Variants in ZNF292 observed in about 807,000 individuals in gnomAD.
ZNF292 encodes the protein zinc finger protein 292, also known as 16 zinc-finger domain protein.
In ZNF292, 26 loss-of-function variants were observed where a neutral mutation model predicts 217.9. The ratio of observed to expected loss-of-function variants is 0.12; its 90% CI spans 0.09 to 0.17. The LOEUF (loss-of-function observed/expected upper bound fraction) is 0.17, where lower values mean the gene tolerates loss of function less well. Ranked by LOEUF, ZNF292 falls within the 10% of genes least tolerant of loss-of-function variation. ZNF292 has a pLI of 1.00. For missense variants in ZNF292, 2,904 were observed against 3,175.2 expected (o/e 0.91, Z 2.05); for synonymous variants, 1,257 against 1,124.1 (o/e 1.12, Z -2.37).
intron 1 of ZNF292, among the ~76,000 whole-genome samples, chr6:87,164,176 T>C (rs867010659): frequency 6.6e-6 from 1 of 152,140 alleles, no homozygotes; most frequent in Admixed American, 6.5e-5. Context: ...TCAGCTCTCA[T>C]GTTTTCTGGG....
chr6:87,196,498 A>G (rs1771956377), intron 1 of ZNF292, among the ~76,000 whole-genome samples: 1 of 152,240 alleles, frequency 6.6e-6, no homozygotes, highest in Non-Finnish European at 1.5e-5. Flanking sequence ...TGAATAACAA[A>G]TAGGTGCCCA....
intron 1 of ZNF292, among the ~76,000 whole-genome samples, chr6:87,175,328 C>T (rs184073557): frequency 6.6e-6 from 1 of 152,212 alleles, no homozygotes; most frequent in Admixed American, 6.5e-5. Context: ...TTCAACTCTT[C>T]AACCATACAA....
At chr6:87,250,048 A>C (rs1303633781) in intron 7 of ZNF292, among the ~76,000 whole-genome samples, 2 of 149,618 alleles carry the variant, frequency 1.3e-5, no homozygotes, top group Non-Finnish European at 3.0e-5. Context: ...AAAAAAAAAA[A>C]CTCCAGGAAT....
chr6:87,205,779 A>G (rs543864633), intron 1 of ZNF292, among the ~76,000 whole-genome samples: 2 of 151,894 alleles, frequency 1.3e-5, no homozygotes, highest in South Asian at 4.2e-4. Context: ...CCTCACCACA[A>G]TCTGTGTCTT....
intron 1 of ZNF292, among the ~76,000 whole-genome samples, chr6:87,171,524 C>T (rs1014571899): frequency 6.6e-6 from 1 of 151,948 alleles, no homozygotes; most frequent in African/African-American, 2.4e-5. Flanking sequence ...GCTAGAATTA[C>T]AGAGTAATTG....
Position 87,258,205 on chromosome 6 carries a change from A to G in ZNF292, c.4576A>G (p.Thr1526Ala), listed in dbSNP as rs1412088913. ...CVSDASQVNA[T>A]VMPNPTVPPL... is the part of the protein sequence containing the mutation. ...CTCTGATGCATCACAAGTAAATGCA[A>G]CGGTGATGCCAAATCCAACTGTACC... The change falls in exon 8 of 8, where the codon ACG (threonine) becomes GCG (alanine). Residue 1526 changes from threonine (T) to alanine (A), a missense_variant. Transcript: ENST00000369577. 6.2e-7 allele frequency: 1 copy of G among 1,611,868 alleles called. No homozygotes were observed. The highest frequency in any genetic ancestry group is 2.2e-5 in the East Asian group (1 of 44,842).
In ZNF292 at chr6:87,255,866, G is replaced by A. The variant is rs1775183258; in HGVS notation, c.2237G>A (p.Gly746Asp). The change falls in exon 8 of 8, where the codon GGC (glycine) becomes GAC (aspartate). Residue 746 changes from glycine (G) to aspartate (D), a missense_variant. By Grantham distance (94) the Gly-to-Asp change is moderately conservative. Around this residue, in one of 15 missense-constraint regions of ZNF292, gnomAD observed 216 missense variants for 308.3 expected, o/e 0.70. Coordinates refer to ENST00000369577, the MANE Select transcript of ZNF292 (RefSeq NM_015021.3). ...AATGATCACTTACAGATGCACTGTG[G>A]CAGTAAACCATATATCTGTATACAG... ...HLNDHLQMHC[G>D]SKPYICIQMK... is the part of the protein sequence containing the mutation. 6.2e-7 allele frequency: 1 copy of A among 1,613,770 alleles called. No individual in the cohort carries two copies. The highest frequency in any genetic ancestry group is 8.5e-7 in the Non-Finnish European group (1 of 1,179,814).
chr6:87,189,551 T>C (rs983009920), intron 1 of ZNF292, among the ~76,000 whole-genome samples: 29 of 152,166 alleles, frequency 1.9e-4, no homozygotes, highest in African/African-American at 6.3e-4. Flanking sequence ...AACTTTTCTT[T>C]TAGGAGTAAT....
chr6:87,184,059 CAG>C (rs1457182920), intron 1 of ZNF292, among the ~76,000 whole-genome samples: 2 of 152,210 alleles, frequency 1.3e-5, no homozygotes, highest in Non-Finnish European at 2.9e-5. Context: ...CACACAAAGT[CAG>C]TGTTGTGATA....
chr6:87,257,331 A>G lies in ZNF292; in HGVS notation c.3702A>G (p.Leu1234=), dbSNP rs761514871. 2 of 1,613,738 alleles carry G rather than the reference A, an allele frequency of 1.2e-6. No individual in the cohort carries two copies. The highest frequency in any genetic ancestry group is 1.7e-6 in the Non-Finnish European group (2 of 1,179,780). Residue 1234 remains leucine, a synonymous_variant, in exon 8 of 8, where the codon TTA becomes TTG. Coordinates refer to ENST00000369577, the MANE Select transcript of ZNF292 (RefSeq NM_015021.3). ...GGMLCSQMEN[L]PSTALPAQME... ...TGTTATGTTCCCAAATGGAAAATTT[A>G]CCTAGTACTGCCTTGCCAGCACAAA...
chr6:87,162,890 CCAAT>C (rs1411395207), intron 1 of ZNF292, among the ~76,000 whole-genome samples: 1 of 152,114 alleles, frequency 6.6e-6, no homozygotes, highest in Non-Finnish European at 1.5e-5. Flanking sequence ...ATAAAATTAA[CCAAT>C]CAGTGTGAGT....
intron 1 of ZNF292, among the ~76,000 whole-genome samples, chr6:87,214,354 T>C (rs1029689452): frequency 6.6e-6 from 1 of 152,090 alleles, no homozygotes; most frequent in African/African-American, 2.4e-5. Context: ...TTGGGTTTCA[T>C]GTGGATTGAG....
At chr6:87,220,962 A>G (rs998289052) in intron 4 of ZNF292, among the ~76,000 whole-genome samples, 2 of 152,226 alleles carry the variant, frequency 1.3e-5, no homozygotes, top group African/African-American at 4.8e-5. Context: ...GAAGAGAATA[A>G]TAAGAGCCCA....
At chr6:87,246,938 T>C (rs1264548755) in intron 7 of ZNF292, among the ~76,000 whole-genome samples, 1 of 152,148 alleles carries the variant, frequency 6.6e-6, no homozygotes, top group African/African-American at 2.4e-5. Context: ...GTGGATCACA[T>C]AAGCCCAGAA....
chr6:87,216,236 G>A (rs1772766427), intron 2 of ZNF292, 63 bp from the exon 3 acceptor site: 1 of 1,444,742 alleles, frequency 6.9e-7, no homozygotes, highest in South Asian at 1.2e-5. Context: ...AGAATTACTG[G>A]TTTTATAATT....
chr6:87,259,238 C>T lies in ZNF292; in HGVS notation c.5609C>T (p.Thr1870Ile), dbSNP rs1440129528. The change falls in exon 8 of 8, where the codon ACT becomes ATT. Residue 1870 changes from threonine (T) to isoleucine (I), a missense_variant. Thr to Ile is a moderately conservative substitution (Grantham distance 89). Around this residue, in one of 15 missense-constraint regions of ZNF292, gnomAD observed 622 missense variants for 573.1 expected, o/e 1.09. Coordinates refer to ENST00000369577, the MANE Select transcript of ZNF292 (RefSeq NM_015021.3). The stretch of plus-strand genomic sequence containing the variant: ...CTGATAAATACATCAGTGACACTGA[C>T]TCCCACGCCTGTTAAATCAACTGCA... ...CVLINTSVTL[T>I]PTPVKSTADI... 3 of 1,613,564 alleles carry T rather than the reference C, an allele frequency of 1.9e-6. No individual in the cohort carries two copies. The highest frequency in any genetic ancestry group is 2.5e-6 in the Non-Finnish European group (3 of 1,179,704).
chr6:87,168,346 G>A (rs1399735414), intron 1 of ZNF292, among the ~76,000 whole-genome samples: 3 of 152,182 alleles, frequency 2.0e-5, no homozygotes, highest in African/African-American at 4.8e-5. Flanking sequence ...GAGGCATATG[G>A]TTAAATGGCT....
intron 1 of ZNF292, among the ~76,000 whole-genome samples, chr6:87,204,554 A>T (rs1375673518): frequency 2.3e-3 from 149 of 63,566 alleles, no homozygotes; most frequent in East Asian, 3.9e-3. Flanking sequence ...AACATTTAGG[A>T]TTTTTTTTTT....
At chr6:87,185,334 G>C (rs981500185) in intron 1 of ZNF292, among the ~76,000 whole-genome samples, 2 of 152,124 alleles carry the variant, frequency 1.3e-5, no homozygotes, top group Admixed American at 1.3e-4. Context: ...AGACTTCCGG[G>C]ATTTTGATAT....
Sources: allele counts gnomAD v4.1 joint callset (sites outside exome capture counted in the v4.1 genomes callset), GRCh38; gene constraint gnomAD v4.1.1; regional missense constraint gnomAD v4.1.1; transcripts MANE v1.5; gene names NCBI Gene and HGNC (gene_info 2026-07-23, HGNC 2026-07-21).